PHACTR1: variants seen among roughly 807,000 people sequenced by gnomAD.
PHACTR1 encodes the protein RPEL repeat containing 1.
PHACTR1 carries 16 observed loss-of-function variants against 69.2 expected under a neutral mutation model. That is an observed-to-expected ratio of 0.23 (90% CI 0.16 to 0.35). The LOEUF (loss-of-function observed/expected upper bound fraction) is 0.35, where lower values mean the gene tolerates loss of function less well. PHACTR1 is among the 10% of genes least tolerant of loss of function. The probability of loss-of-function intolerance (pLI) is 1.00; values close to 1 mark genes in which losing one functional copy is unlikely to be tolerated. For synonymous variants in PHACTR1, 312 were observed against 284.5 expected (o/e 1.10, Z -0.97); for missense variants, 510 against 734.7 (o/e 0.69, Z 3.54).
At chr6:12,968,884 A>AAAAGAAAG (rs141696185) in intron 4 of PHACTR1, among the ~76,000 whole-genome samples, 2 of 152,126 alleles carry the variant, frequency 1.3e-5, no homozygotes, top group East Asian at 1.9e-4. Context: ...CTTCTTTTAA[A>AAAAGAAAG]AAAGAAAGAA....
At chr6:13,193,730 A>G (rs1020526051) in intron 7 of PHACTR1, among the ~76,000 whole-genome samples, 5 of 151,892 alleles carry the variant, frequency 3.3e-5, no homozygotes, top group African/African-American at 9.7e-5. Context: ...TTCAAACTTC[A>G]TACGTCTATC....
intron 4 of PHACTR1, among the ~76,000 whole-genome samples, chr6:12,870,084 G>A (rs974552405): frequency 2.0e-5 from 3 of 151,568 alleles, no homozygotes; most frequent in African/African-American, 7.3e-5. Context: ...AAGCAAATTA[G>A]CTGGCTGAAT....
At chr6:12,804,580 C>T (rs1774083393) in intron 4 of PHACTR1, among the ~76,000 whole-genome samples, 1 of 152,206 alleles carries the variant, frequency 6.6e-6, no homozygotes, top group Non-Finnish European at 1.5e-5. Flanking sequence ...GTAACCCCAG[C>T]ATTTTGGGAG....
chr6:13,104,570 T>G (rs1270269811), intron 5 of PHACTR1, among the ~76,000 whole-genome samples: 2 of 152,230 alleles, frequency 1.3e-5, no homozygotes, highest in Non-Finnish European at 2.9e-5. Context: ...TTACTTTAAA[T>G]TATATTTTGC....
At chr6:13,054,687 C>T (rs891040391) in intron 5 of PHACTR1, among the ~76,000 whole-genome samples, 11 of 152,176 alleles carry the variant, frequency 7.2e-5, no homozygotes, top group Non-Finnish European at 1.5e-4. Context: ...CATGAGTGCC[C>T]TACCTGCATG....
chr6:13,278,462 TTACTCTA>T (rs1562114877), intron 12 of PHACTR1, 133 bp downstream of exon 12: 3 of 736,476 alleles, frequency 4.1e-6, no homozygotes, highest in Non-Finnish European at 6.8e-6. Context: ...TGCCACTCTC[TTACTCTA>T]TAAGACCTCT....
chr6:12,967,987 C>T (rs1431121811), intron 4 of PHACTR1, among the ~76,000 whole-genome samples: 1 of 152,208 alleles, frequency 6.6e-6, no homozygotes, highest in African/African-American at 2.4e-5. Flanking sequence ...GTTGTCGGGG[C>T]AGAAGCCCTG....
chr6:13,229,796 C>T, intron 9 of PHACTR1, among the ~76,000 whole-genome samples: 1 of 152,232 alleles, frequency 6.6e-6, no homozygotes, highest in Admixed American at 6.5e-5. Flanking sequence ...GCGTGCTAGA[C>T]ATTCCTGGAG....
Position 12,864,597 on chromosome 6 carries a change from G to A in PHACTR1, c.250+114807G>A, listed in dbSNP as rs529828810. On this transcript the variant is annotated intron_variant, in intron 4 of 14. Coordinates refer to ENST00000332995, the MANE Select transcript of PHACTR1 (RefSeq NM_030948.6). ...CGGGAGGCTGAGGCAGGAGAATGGC[G>A]TGAACCCAGGAGGCGAAGCTTGCAG... 1.1e-4 allele frequency among the ~76,000 whole-genome samples: 17 copies of A among 151,918 alleles called. 1 individual carries two copies. Among genetic ancestry groups the A allele is most frequent in the South Asian group, 8.3e-4 (4 of 4,804 alleles).
chr6:12,938,289 T>C (rs143572646), intron 4 of PHACTR1, among the ~76,000 whole-genome samples: 3 of 152,278 alleles, frequency 2.0e-5, no homozygotes, highest in African/African-American at 7.2e-5. Flanking sequence ...ACACAGATAG[T>C]GCATAGTGAA....
chr6:13,037,309 C>T (rs541795931), intron 4 of PHACTR1, among the ~76,000 whole-genome samples: 8 of 151,978 alleles, frequency 5.3e-5, no homozygotes, highest in Non-Finnish European at 8.8e-5. Context: ...CCTACAGGCA[C>T]CCCCCCAAAC....
chr6:12,717,773 G>C (rs1761576235), intron 2 of PHACTR1, 30 bp downstream of exon 2: 1 of 151,938 alleles, frequency 6.6e-6, no homozygotes, highest in African/African-American at 2.4e-5. Flanking sequence ...GGGTACCTTT[G>C]GGTATTTTTA....
At chr6:12,843,350 G>A (rs1293120865) in intron 4 of PHACTR1, among the ~76,000 whole-genome samples, 1 of 152,108 alleles carries the variant, frequency 6.6e-6, no homozygotes, top group African/African-American at 2.4e-5. Context: ...CAGCCTAGAA[G>A]GAAAAAAGGA....
chr6:12,993,409 T>C (rs1797042794), intron 4 of PHACTR1, among the ~76,000 whole-genome samples: 1 of 152,128 alleles, frequency 6.6e-6, no homozygotes, highest in Non-Finnish European at 1.5e-5. Context: ...AAAGAAATAA[T>C]CAGAAGAACT....
intron 4 of PHACTR1, among the ~76,000 whole-genome samples, chr6:12,863,925 C>T (rs1781185955): frequency 6.6e-6 from 1 of 152,132 alleles, no homozygotes; most frequent in African/African-American, 2.4e-5. Context: ...ATGAGATTAA[C>T]TTACAGCAGA....
intron 4 of PHACTR1, among the ~76,000 whole-genome samples, chr6:12,892,760 A>G (rs1784285958): frequency 6.6e-6 from 1 of 152,252 alleles, no homozygotes; most frequent in African/African-American, 2.4e-5. Context: ...GTCATAGCTC[A>G]TGCTCCAGGA....
chr6:12,820,679 T>G (rs1031003273), intron 4 of PHACTR1, among the ~76,000 whole-genome samples: 2 of 152,238 alleles, frequency 1.3e-5, no homozygotes, highest in Non-Finnish European at 2.9e-5. Context: ...GCACAGGTTC[T>G]ACTTTGGGAA....
intron 4 of PHACTR1, among the ~76,000 whole-genome samples, chr6:12,761,945 A>C (rs1283636392): frequency 1.3e-5 from 2 of 152,132 alleles, no homozygotes; most frequent in East Asian, 1.9e-4. Flanking sequence ...GCTGCCCTGC[A>C]TTTCTTCCAG....
chr6:12,913,094 A>G (rs1277021530), intron 4 of PHACTR1, among the ~76,000 whole-genome samples: 1 of 152,258 alleles, frequency 6.6e-6, no homozygotes, highest in Non-Finnish European at 1.5e-5. Flanking sequence ...ATCAGAAACC[A>G]AGTTTCCTAC....
Sources: allele counts gnomAD v4.1 joint callset (sites outside exome capture counted in the v4.1 genomes callset), GRCh38; gene constraint gnomAD v4.1.1; transcripts MANE v1.5; gene names NCBI Gene and HGNC (gene_info 2026-07-23, HGNC 2026-07-21).